The following CTNNA3 variants were observed in gnomAD, a reference collection of about 807,000 sequenced individuals.
The protein encoded by CTNNA3 is catenin alpha 3, also known as catenin alpha-3.
A neutral mutation model predicts 95.7 loss-of-function variants in CTNNA3; 76 were observed. The observed-to-expected ratio is 0.79, with a 90% confidence interval of 0.66 to 0.96. CTNNA3 has a LOEUF of 0.96. Ranked by LOEUF, CTNNA3 falls within the 40% of genes least tolerant of loss-of-function variation. The pLI is 0.00. For missense variants in CTNNA3, 1,191 were observed against 1,089.8 expected (o/e 1.09, Z -1.31); for synonymous variants, 431 against 374.4 (o/e 1.15, Z -1.74).
intron 12 of CTNNA3, among the ~76,000 whole-genome samples, chr10:66,334,886 G>A (rs929675912): frequency 6.6e-6 from 1 of 151,970 alleles, no homozygotes; most frequent in African/African-American, 2.4e-5. Flanking sequence ...CGTAGATTTG[G>A]TCTTTCACAT....
At chr10:67,242,368 A>T (rs1268667726) in intron 5 of CTNNA3, among the ~76,000 whole-genome samples, 2 of 152,252 alleles carry the variant, frequency 1.3e-5, no homozygotes, top group Non-Finnish European at 2.9e-5. Flanking sequence ...TTGTAGACTA[A>T]TGGTTGATTT....
chr10:66,776,517 G>C (rs116997624), intron 7 of CTNNA3, among the ~76,000 whole-genome samples: 3 of 152,230 alleles, frequency 2.0e-5, no homozygotes, highest in East Asian at 3.9e-4. Flanking sequence ...CCCTGCAGTG[G>C]ACTCCCTAAC....
chr10:66,495,615 G>C (rs145730052), intron 11 of CTNNA3, among the ~76,000 whole-genome samples: 2 of 152,128 alleles, frequency 1.3e-5, no homozygotes, highest in African/African-American at 4.8e-5. Flanking sequence ...GTAGAAAAAG[G>C]AAATACATAC....
At chr10:66,650,879 G>C (rs1477014679) in intron 9 of CTNNA3, among the ~76,000 whole-genome samples, 1 of 152,154 alleles carries the variant, frequency 6.6e-6, no homozygotes, top group Non-Finnish European at 1.5e-5. Flanking sequence ...CAGACCCAAA[G>C]CTTCCACAAA....
intron 7 of CTNNA3, among the ~76,000 whole-genome samples, chr10:66,796,109 A>G (rs1446360189): frequency 3.9e-5 from 6 of 152,166 alleles, no homozygotes; most frequent in African/African-American, 1.4e-4. Flanking sequence ...AGTTCCTACA[A>G]GAACATTTCC....
chr10:66,309,146 C>T (rs2091970664), intron 12 of CTNNA3, among the ~76,000 whole-genome samples: 1 of 152,130 alleles, frequency 6.6e-6, no homozygotes, highest in Non-Finnish European at 1.5e-5. Context: ...TGTGTTTATG[C>T]AGGCATTTTA....
At chr10:67,150,435 C>G (rs1311894440) in intron 7 of CTNNA3, among the ~76,000 whole-genome samples, 4 of 151,980 alleles carry the variant, frequency 2.6e-5, no homozygotes, top group African/African-American at 9.7e-5. Flanking sequence ...GCTTAAATAC[C>G]AAGTAGTTTA....
At chr10:67,139,673 A>T (rs1860461330) in intron 7 of CTNNA3, among the ~76,000 whole-genome samples, 1 of 152,238 alleles carries the variant, frequency 6.6e-6, no homozygotes, top group South Asian at 2.1e-4. Context: ...TCAGCCTCCC[A>T]AAGTGCTGGA....
At chr10:67,430,544 T>C (rs1846075076) in intron 5 of CTNNA3, among the ~76,000 whole-genome samples, 2 of 151,952 alleles carry the variant, frequency 1.3e-5, no homozygotes. Context: ...AATTTTTTTT[T>C]ACTTTCCTAA....
intron 1 of CTNNA3, among the ~76,000 whole-genome samples, chr10:67,662,692 C>G (rs1041424079): frequency 2.0e-5 from 3 of 152,142 alleles, no homozygotes; most frequent in Non-Finnish European, 2.9e-5. Context: ...TTGCCAGATG[C>G]CAACAGTTGA....
chr10:67,518,204 G>A (rs2133149508), intron 5 of CTNNA3, among the ~76,000 whole-genome samples: 1 of 152,236 alleles, frequency 6.6e-6, no homozygotes, highest in South Asian at 2.1e-4. Flanking sequence ...GATTCTCAAT[G>A]AGTATATCAT....
At chr10:66,417,482 T>C (rs72808704) in intron 11 of CTNNA3, among the ~76,000 whole-genome samples, 7,511 of 151,842 alleles carry the variant, frequency 0.049, 263 homozygotes, top group East Asian at 0.11. Context: ...AGAAAGAAAA[T>C]CAAAAAAGAA....
intron 13 of CTNNA3, among the ~76,000 whole-genome samples, chr10:66,136,046 C>T (rs984445732): frequency 2.6e-5 from 4 of 151,856 alleles, no homozygotes; most frequent in Admixed American, 6.6e-5. Context: ...GGACTACAGG[C>T]GCCCACCACC....
intron 12 of CTNNA3, among the ~76,000 whole-genome samples, chr10:66,287,431 A>G (rs1382150537): frequency 6.6e-6 from 1 of 152,064 alleles, no homozygotes; most frequent in Non-Finnish European, 1.5e-5. Context: ...TTCCTCAGGA[A>G]AGTAGTAGGT....
At chr10:66,443,325 G>A (rs900191154) in intron 11 of CTNNA3, among the ~76,000 whole-genome samples, 19 of 152,160 alleles carry the variant, frequency 1.2e-4, no homozygotes, top group Non-Finnish European at 2.2e-4. Flanking sequence ...CTCCCAGCAC[G>A]CAGCTGGAGA....
At chr10:66,928,090 A>G (rs775896342) in intron 7 of CTNNA3, 5 of 1,614,088 alleles carry the variant, frequency 3.1e-6, no homozygotes, top group Non-Finnish European at 4.2e-6. Context: ...GCATGAGAGC[A>G]AACCCCCTTT....
intron 7 of CTNNA3, among the ~76,000 whole-genome samples, chr10:66,879,719 G>A (rs1302526094): frequency 6.6e-6 from 1 of 152,062 alleles, no homozygotes. Flanking sequence ...TTGGACTCTT[G>A]TACTGGGAAC....
Position 67,180,497 on chromosome 10 carries a change from G to A in CTNNA3, c.867C>T (p.Leu289=). The change falls in exon 7 of 18, where the codon CTC becomes CTT. Residue 289 remains leucine, a synonymous_variant. Transcript: ENST00000433211. ...GTCGTATTTCCTCCTCAGTTACTGT[G>A]AGTGGATTCAGGACAATTAAATTCT... ...ELENLIVLNP[L]TVTEEEIRPS... is the part of the protein sequence containing the mutation. 1.9e-6 allele frequency: 3 copies of A among 1,613,600 alleles called. No individual in the cohort carries two copies. Among genetic ancestry groups the A allele is most frequent in the Non-Finnish European group, 1.7e-6 (2 of 1,179,582 alleles).
chr10:67,733,510 A>C (rs1841287478), intron 1 of CTNNA3, among the ~76,000 whole-genome samples: 1 of 152,204 alleles, frequency 6.6e-6, no homozygotes, highest in South Asian at 2.1e-4. Context: ...AGCCACAAAA[A>C]GGACTGCTGG....
Sources: allele counts gnomAD v4.1 joint callset (sites outside exome capture counted in the v4.1 genomes callset), GRCh38; gene constraint gnomAD v4.1.1; transcripts MANE v1.5; gene names NCBI Gene and HGNC (gene_info 2026-07-23, HGNC 2026-07-21).